Variants in SLC39A12 observed in about 807,000 individuals in gnomAD.
SLC39A12 encodes zinc transporter ZIP12.
In SLC39A12, 63 loss-of-function variants were observed where a neutral mutation model predicts 71.1. The observed-to-expected ratio is 0.89, with a 90% CI of 0.72 to 1.09. SLC39A12 has a LOEUF of 1.09. Ranked by LOEUF, SLC39A12 falls within the 50% of genes least tolerant of loss-of-function variation. The pLI, the probability that SLC39A12 is intolerant of heterozygous loss-of-function variation, is 0.00. For synonymous variants in SLC39A12, 351 were observed against 301.3 expected, an observed-to-expected ratio of 1.16 and a Z score of -1.71; for missense variants, 892 against 812.6, an observed-to-expected ratio of 1.10 and a Z score of -1.19.
At chr10:18,021,583 T>G (rs1228545165) in intron 12 of SLC39A12, among the ~76,000 whole-genome samples, 1 of 152,184 alleles carries the variant, frequency 6.6e-6, no homozygotes, top group Non-Finnish European at 1.5e-5. Context: ...AGCTTACCAC[T>G]CTGTGCCTTT....
intron 1 of SLC39A12, among the ~76,000 whole-genome samples, 156 bp from the exon 2 acceptor site, chr10:17,953,035 G>A (rs1483149755): frequency 5.3e-5 from 8 of 152,252 alleles, no homozygotes; most frequent in African/African-American, 1.9e-4. Context: ...CAGCCATGGT[G>A]CTTTCCTGCC....
chr10:17,987,315 A>G (rs1835423320), intron 6 of SLC39A12, among the ~76,000 whole-genome samples, 164 bp from the exon 7 acceptor site: 1 of 152,186 alleles, frequency 6.6e-6, no homozygotes, highest in Admixed American at 6.5e-5. Flanking sequence ...AGGCTGGGTG[A>G]CAGACAGAGA....
intron 12 of SLC39A12, among the ~76,000 whole-genome samples, chr10:18,029,013 C>A (rs1424992523): frequency 6.6e-6 from 1 of 152,078 alleles, no homozygotes; most frequent in African/African-American, 2.4e-5. Flanking sequence ...AGCCACCACG[C>A]CCCACCAAAA....
At chr10:17,982,358 G>C (rs1417053235) in intron 6 of SLC39A12, among the ~76,000 whole-genome samples, 1 of 152,118 alleles carries the variant, frequency 6.6e-6, no homozygotes, top group African/African-American at 2.4e-5. Flanking sequence ...ACAAATGGTT[G>C]AGAACATCCA....
At chr10:17,985,217 C>T (rs1459765002) in intron 6 of SLC39A12, among the ~76,000 whole-genome samples, 2 of 152,078 alleles carry the variant, frequency 1.3e-5, no homozygotes, top group East Asian at 3.9e-4. Flanking sequence ...GTGGTGGGCA[C>T]CTGTAGTCCC....
At chr10:17,972,772 A>AT (rs143087696) in intron 4 of SLC39A12, among the ~76,000 whole-genome samples, 4,982 of 147,000 alleles carry the variant, frequency 0.034, 202 homozygotes, top group African/African-American at 0.1. Context: ...CAATGGTCTT[A>AT]TTTTTTTTTT....
At chr10:17,960,251 C>T (rs1188700506) in intron 2 of SLC39A12, among the ~76,000 whole-genome samples, 1 of 152,140 alleles carries the variant, frequency 6.6e-6, no homozygotes, top group Admixed American at 6.5e-5. Flanking sequence ...TTCCCCATCT[C>T]CAGTGATAAG....
At position 17,972,272 on chromosome 10, in the gene SLC39A12, A is replaced by G. The variant is rs557740384; in HGVS notation, c.752-5630A>G. On this transcript the variant is annotated intron_variant, in intron 4 of 12. Coordinates refer to ENST00000377369, the MANE Select transcript of SLC39A12 (RefSeq NM_001145195.2). ...CCTAACGTATGGTCTGTCCTTGAGA[A>G]TCACCCATGTGCTGAAGAAAAGAAT... Among the ~76,000 whole-genome samples, 3 of 152,346 alleles carry G rather than the reference A, an allele frequency of 2.0e-5. No individual in the cohort carries two copies. In the South Asian group the frequency reaches 6.2e-4, roughly 32 times the overall value.
chr10:18,014,971 C>T (rs1170052507), intron 12 of SLC39A12, among the ~76,000 whole-genome samples: 1 of 152,130 alleles, frequency 6.6e-6, no homozygotes, highest in East Asian at 1.9e-4. Flanking sequence ...TGGTAAAGCA[C>T]TACAACAACT....
At chr10:18,036,805 T>TC (rs60401828) in intron 12 of SLC39A12, among the ~76,000 whole-genome samples, 1 of 119,778 alleles carries the variant, frequency 8.3e-6, no homozygotes, top group African/African-American at 3.2e-5. Context: ...TTTTTTTTTT[T>TC]AATGGAATCT....
chr10:18,004,860 G>T (rs1311198380), intron 12 of SLC39A12, among the ~76,000 whole-genome samples: 1 of 152,138 alleles, frequency 6.6e-6, no homozygotes, highest in African/African-American at 2.4e-5. Flanking sequence ...TAAAGAAAAC[G>T]TGATACATAT....
rs1174373653 is a variant in SLC39A12 at position 17,953,525 on chromosome 10, A to T, written c.249A>T (p.Gly83=). ...GCPRRRNGMQ[G]DCNLCFEPDA... is the part of the protein sequence containing the mutation. ...CACGGAGGAGAAACGGAATGCAAGGAGATTGCAATCTGGTTAGTGAAATAG... is the reference window on the plus strand; with the variant it reads ...CACGGAGGAGAAACGGAATGCAAGGTGATTGCAATCTGGTTAGTGAAATAG... Residue 83 remains glycine (G), a synonymous_variant, in exon 2 of 13, where the codon GGA becomes GGT. Coordinates refer to ENST00000377369, the MANE Select transcript of SLC39A12 (RefSeq NM_001145195.2). 1.9e-6 allele frequency: 3 copies of T among 1,614,048 alleles called. No homozygotes were observed. Among genetic ancestry groups the T allele is most frequent in the Non-Finnish European group, 2.5e-6 (3 of 1,180,036 alleles).
intron 4 of SLC39A12, among the ~76,000 whole-genome samples, chr10:17,977,069 T>C (rs969061433): frequency 1.3e-5 from 2 of 152,182 alleles, no homozygotes; most frequent in African/African-American, 4.8e-5. Flanking sequence ...CTCTCAAATA[T>C]GCTGTTGAGT....
chr10:17,989,403 G>A (rs1259694390), intron 7 of SLC39A12, among the ~76,000 whole-genome samples: 3 of 152,172 alleles, frequency 2.0e-5, no homozygotes, highest in Admixed American at 6.5e-5. Flanking sequence ...TAGAGGCGGC[G>A]GCCCAGGCCT....
chr10:18,025,339 C>G (rs886961491), intron 12 of SLC39A12, among the ~76,000 whole-genome samples: 21 of 152,076 alleles, frequency 1.4e-4, no homozygotes, highest in African/African-American at 5.1e-4. Flanking sequence ...CCCAGTAACT[C>G]GTCATTTAAC....
chr10:17,957,649 A>G (rs1834583910), intron 2 of SLC39A12, among the ~76,000 whole-genome samples: 1 of 152,114 alleles, frequency 6.6e-6, no homozygotes, highest in Admixed American at 6.6e-5. Context: ...CAACTTCTAA[A>G]AACATTAACA....
chr10:18,033,628 C>T (rs1034761982), intron 12 of SLC39A12, among the ~76,000 whole-genome samples: 6 of 146,624 alleles, frequency 4.1e-5, no homozygotes, highest in African/African-American at 1.3e-4. Flanking sequence ...TTTTTTGAAG[C>T]GTTTTTTGTG....
At chr10:18,005,382 A>G (rs980476850) in intron 12 of SLC39A12, 1 of 152,226 alleles carries the variant, frequency 6.6e-6, no homozygotes, top group Non-Finnish European at 1.5e-5. Flanking sequence ...GAAATGAGCT[A>G]TACTTTGTTT....
chr10:18,006,736 A>C (rs925891587), intron 12 of SLC39A12, among the ~76,000 whole-genome samples: 2 of 152,198 alleles, frequency 1.3e-5, no homozygotes, highest in Non-Finnish European at 2.9e-5. Context: ...TGTGTTCAAC[A>C]CTGGCCCTGC....
Sources: allele counts gnomAD v4.1 joint callset (sites outside exome capture counted in the v4.1 genomes callset), GRCh38; gene constraint gnomAD v4.1.1; transcripts MANE v1.5; gene names NCBI Gene and HGNC (gene_info 2026-07-23, HGNC 2026-07-21).